Variants in FSIP2 observed in about 807,000 individuals in gnomAD.
FSIP2 encodes the protein fibrous sheath-interacting protein 2.
Under a neutral mutation model 510.5 loss-of-function variants are expected in FSIP2, and 367 were observed. The observed-to-expected ratio is 0.72, with a 90% CI of 0.66 to 0.78. The LOEUF (loss-of-function observed/expected upper bound fraction) is 0.78, where lower values mean the gene tolerates loss of function less well. Among genes scored for constraint, FSIP2 ranks in the 30% least tolerant of loss-of-function variants. The pLI is 0.00. For missense variants in FSIP2, 7,594 were observed against 7,901.7 expected, an observed-to-expected ratio of 0.96 and a Z score of 1.48; for synonymous variants, 2,601 against 2,732.2, an observed-to-expected ratio of 0.95 and a Z score of 1.50.
chr2:185,793,958 C>T lies in FSIP2; in HGVS notation c.6822C>T (p.Thr2274=). The part of the protein sequence containing the change: ...FATERIDSLI[T]LAFQSKEKSF... ...CAGAAAGAATAGATTCATTAATTAC[C>T]CTTGCTTTCCAAAGTAAAGAAAAGT... is the stretch of plus-strand genomic sequence containing the variant. The change falls in exon 16 of 23, where the codon ACC becomes ACT. Residue 2274 remains threonine (T), a synonymous_variant. Coordinates refer to ENST00000424728, the MANE Select transcript of FSIP2 (RefSeq NM_173651.4). 1 of 1,527,750 alleles carries T rather than the reference C, an allele frequency of 6.5e-7. No individual in the cohort carries two copies. Among genetic ancestry groups the T allele is most frequent in the Non-Finnish European group, 8.8e-7 (1 of 1,142,826 alleles). The allele number at this position is 1,527,750 out of a possible 1,614,324, so 94.6% of individuals were successfully genotyped here.
Position 185,806,089 on chromosome 2 carries a change from T to C in FSIP2, c.16783T>C (p.Tyr5595His). The stretch of plus-strand genomic sequence containing the variant: ...TTCATTAATAATTGATGATACAGAA[T>C]ATGAGAAGGAAGTACTTGGATCAGA... The part of the protein sequence containing the change: ...HFSLIIDDTE[Y>H]EKEVLGSDSE... The change falls in exon 17 of 23, where the codon TAT becomes CAT. Residue 5595 changes from tyrosine to histidine, a missense_variant. Transcript: ENST00000424728. The C allele has an allele frequency of 6.3e-7, 1 of 1,575,484 alleles. No individual in the cohort carries two copies.
At chr2:185,741,985 G>A (rs540220887) in intron 2 of FSIP2, among the ~76,000 whole-genome samples, 34 of 152,246 alleles carry the variant, frequency 2.2e-4, no homozygotes, top group African/African-American at 8.2e-4. Flanking sequence ...TAGACATGTC[G>A]GGATTGGTGC....
intron 16 of FSIP2, among the ~76,000 whole-genome samples, chr2:185,797,897 C>A (rs771652497): frequency 6.6e-6 from 1 of 151,694 alleles, no homozygotes; most frequent in African/African-American, 2.4e-5. Context: ...TGCTATGTTG[C>A]GCAGGCTGGT....
chr2:185,743,377 G>T, intron 3 of FSIP2, 83 bp downstream of exon 3: 1 of 806,922 alleles, frequency 1.2e-6, no homozygotes, highest in Middle Eastern at 3.9e-4. Context: ...TCACTCGGGG[G>T]GCCTGTGTCA....
chr2:185,779,318 T>A (rs1291183482), intron 13 of FSIP2, among the ~76,000 whole-genome samples: 1 of 151,938 alleles, frequency 6.6e-6, no homozygotes, highest in Non-Finnish European at 1.5e-5. Context: ...TTTACTGTTT[T>A]ACAAATTGCA....
chr2:185,827,595 C>T (rs924203124), intron 20 of FSIP2, among the ~76,000 whole-genome samples: 1 of 151,848 alleles, frequency 6.6e-6, no homozygotes, highest in Non-Finnish European at 1.5e-5. Context: ...ATTTATTTCA[C>T]GAATACACTG....
chr2:185,782,133 C>A (rs1417150403), intron 13 of FSIP2, among the ~76,000 whole-genome samples: 1 of 152,146 alleles, frequency 6.6e-6, no homozygotes, highest in Admixed American at 6.5e-5. Context: ...GTTCCTTTCT[C>A]TCTAAAATTG....
chr2:185,767,814 ACATGAGAGTGCAGATATCT>A (rs1368781965), intron 13 of FSIP2, among the ~76,000 whole-genome samples: 1 of 152,168 alleles, frequency 6.6e-6, no homozygotes, highest in Non-Finnish European at 1.5e-5. Flanking sequence ...GCTGCAGTAA[ACATGAGAGTGCAGATATCT>A]CTTCAACATA....
rs1050644977 is a variant in FSIP2, at chr2:185,811,026, G to T, written c.19827+1893G>T. Among the ~76,000 whole-genome samples the T allele has an allele frequency of 6.6e-5, 10 of 152,028 alleles. No homozygotes were observed. In the East Asian group the frequency reaches 1.9e-3, roughly 30 times the overall value. On this transcript the variant is annotated intron_variant, in intron 17 of 22. Transcript: ENST00000424728. ...GAGTGATGACCTAGGATAGCTGGCA[G>T]AAGAAATTTCTCATAAATGAAACAT...
rs1392827123 is a variant in FSIP2, at chr2:185,796,153, T to C, written c.9017T>C (p.Leu3006Ser). Reference protein sequence around the residue: ...VLNMLESFVDLQFKHISKYEF... With the variant: ...VLNMLESFVDSQFKHISKYEF... Reference sequence around the variant, plus strand: ...AACATGTTAGAGTCATTTGTGGACTTGCAGTTTAAACATATCTCCAAATAT... The same window carrying C: ...AACATGTTAGAGTCATTTGTGGACTCGCAGTTTAAACATATCTCCAAATAT... Residue 3006 changes from leucine (L) to serine (S), a missense_variant, in exon 16 of 23, where the codon TTG (leucine) becomes TCG (serine). By Grantham distance (145) the Leu-to-Ser change is moderately radical (BLOSUM62 -2). Coordinates refer to ENST00000424728, the MANE Select transcript of FSIP2 (RefSeq NM_173651.4). 1 of 1,533,912 alleles carries C rather than the reference T, an allele frequency of 6.5e-7. No individual in the cohort carries two copies. Among genetic ancestry groups the C allele is most frequent in the Non-Finnish European group, 8.7e-7 (1 of 1,145,572 alleles).
At chr2:185,778,405 TGAAAA>T (rs1692773033) in intron 13 of FSIP2, among the ~76,000 whole-genome samples, 5 of 152,192 alleles carry the variant, frequency 3.3e-5, no homozygotes, top group Middle Eastern at 3.4e-3. Context: ...GTGATATGTA[TGAAAA>T]TATAAAATGT....
Position 185,800,382 on chromosome 2 carries a change from C to T in FSIP2, c.11076C>T (p.Ser3692=). 6.6e-7 allele frequency: 1 copy of T among 1,526,424 alleles called. No individual in the cohort carries two copies. Among genetic ancestry groups the T allele is most frequent in the Non-Finnish European group, 8.7e-7 (1 of 1,143,376 alleles). 94.6% of individuals were successfully genotyped at this position (1,526,424 alleles called of 1,614,324 possible). ...TTGGTAACCTAAAAACAAGTGAATC[C>T]AAAGAAGTAGTCAATAAAGTTTTTA... ...SLVGNLKTSE[S]KEVVNKVFNI... is the part of the protein sequence containing the mutation. Residue 3692 remains serine, a synonymous_variant, in exon 17 of 23, where the codon TCC becomes TCT. Coordinates refer to ENST00000424728, the MANE Select transcript of FSIP2 (RefSeq NM_173651.4).
At chr2:185,760,004 G>A (rs1574159940) in intron 9 of FSIP2, among the ~76,000 whole-genome samples, 3 of 108,754 alleles carry the variant, frequency 2.8e-5, no homozygotes. Context: ...TGATCATTTG[G>A]ATTTTTCAGA....
Position 185,796,913 on chromosome 2 carries a change from A to G in FSIP2, c.9777A>G (p.Lys3259=), listed in dbSNP as rs1322149347. 1 of 1,534,990 alleles carries G rather than the reference A, an allele frequency of 6.5e-7. No individual in the cohort carries two copies. Among genetic ancestry groups the G allele is most frequent in the South Asian group, 1.2e-5 (1 of 84,018 alleles). Residue 3259 remains lysine (K), a synonymous_variant, in exon 16 of 23, where the codon AAA becomes AAG. Coordinates refer to ENST00000424728, the MANE Select transcript of FSIP2 (RefSeq NM_173651.4). ...TTGGTAGTTTTGATCAGACCATGAAAGGAAATAGCTACCTCCCTGAAGGCA... is the reference window on the plus strand; with the variant it reads ...TTGGTAGTTTTGATCAGACCATGAAGGGAAATAGCTACCTCCCTGAAGGCA... The part of the protein sequence containing the change: ...SNFGSFDQTM[K]GNSYLPEGSF...
In FSIP2 at chr2:185,796,894, G is replaced by C. The variant is rs1213756053; in HGVS notation, c.9758G>C (p.Ser3253Thr). ...AGACCAAGGGAATCTAACTTTGGTA[G>C]TTTTGATCAGACCATGAAAGGAAAT... ...DHRPRESNFG[S>T]FDQTMKGNSY... Residue 3253 changes from serine to threonine, a missense_variant, in exon 16 of 23, where the codon AGT becomes ACT. Coordinates refer to ENST00000424728, the MANE Select transcript of FSIP2 (RefSeq NM_173651.4). 5 of 1,534,884 alleles carry C rather than the reference G, an allele frequency of 3.3e-6. No homozygotes were observed. The Admixed American group carries it at 5.9e-5, about 18-fold the overall frequency.
rs1458837783 is a variant in FSIP2, at chr2:185,805,286, A to G, written c.15980A>G (p.Asp5327Gly). Residue 5327 changes from aspartate (D) to glycine (G), a missense_variant, in exon 17 of 23, where the codon GAT (aspartate) becomes GGT (glycine). Transcript: ENST00000424728. Reference sequence around the variant, plus strand: ...CTGATAAGGGAATTTAAGAAAAGTGATATTAAAGTTTTACCAAATGCTGAA... The same window carrying G: ...CTGATAAGGGAATTTAAGAAAAGTGGTATTAAAGTTTTACCAAATGCTGAA... The part of the protein sequence containing the change: ...NSLIREFKKS[D>G]IKVLPNAEKM... 5 of 1,594,520 alleles carry G rather than the reference A, an allele frequency of 3.1e-6. No homozygotes were observed. Among genetic ancestry groups the G allele is most frequent in the Non-Finnish European group, 4.3e-6 (5 of 1,173,388 alleles).
chr2:185,814,502 G>T (rs1248148686), intron 18 of FSIP2, among the ~76,000 whole-genome samples: 1 of 151,974 alleles, frequency 6.6e-6, no homozygotes, highest in East Asian at 2.0e-4. Context: ...TGACCTTTTG[G>T]TAAGTTATAT....
Position 185,792,753 on chromosome 2 carries a change from A to T in FSIP2, c.5617A>T (p.Thr1873Ser), listed in dbSNP as rs778026211. The T allele has an allele frequency of 6.5e-6, 10 of 1,534,230 alleles. No individual in the cohort carries two copies. The South Asian group carries it at 1.2e-4, about 18-fold the overall frequency. Residue 1873 changes from threonine (T) to serine (S), a missense_variant, in exon 16 of 23, where the codon ACT (threonine) becomes TCT (serine). Coordinates refer to ENST00000424728, the MANE Select transcript of FSIP2 (RefSeq NM_173651.4). ...AAGGGAAAATAGGTATAAAACTATCACTTTTTCAGCAAATGTTTCTTCTCA... is the reference window on the plus strand; with the variant it reads ...AAGGGAAAATAGGTATAAAACTATCTCTTTTTCAGCAAATGTTTCTTCTCA... ...NVRENRYKTI[T>S]FSANVSSHEH... is the part of the protein sequence containing the mutation.
rs1416842192 is a variant in FSIP2 at position 185,796,798 on chromosome 2, C to G, written c.9662C>G (p.Ser3221Ter). ...TCTGTAGAAGACACAGTTAAAAACT[C>G]AGAGCCAACGAAAAGGCCTGATTCA... ...RSSVEDTVKN[S>*]EPTKRPDSET... The change falls in exon 16 of 23, where the codon TCA (serine) becomes TGA (stop). Residue 3221 changes from serine to a stop codon, truncating the protein, a stop_gained. Coordinates refer to ENST00000424728, the MANE Select transcript of FSIP2 (RefSeq NM_173651.4). LOFTEE classifies it high-confidence loss of function. 6.5e-7 allele frequency: 1 copy of G among 1,535,012 alleles called. No individual in the cohort carries two copies. The highest frequency in any genetic ancestry group is 1.4e-5 in the African/African-American group (1 of 72,904).
Sources: allele counts gnomAD v4.1 joint callset (sites outside exome capture counted in the v4.1 genomes callset), GRCh38; gene constraint gnomAD v4.1.1; transcripts MANE v1.5; gene names NCBI Gene and HGNC (gene_info 2026-07-23, HGNC 2026-07-21).